SGO2: variants seen among roughly 807,000 people sequenced by gnomAD.
SGO2 encodes shugoshin 2, also known as shugoshin-like 2.
Under a neutral mutation model 99.5 loss-of-function variants are expected in SGO2, and 68 were observed. The observed-to-expected ratio is 0.68, with a 90% CI of 0.56 to 0.84. SGO2 has a LOEUF of 0.84. Ranked by LOEUF, SGO2 falls within the 40% of genes least tolerant of loss-of-function variation. The pLI is 0.00. For synonymous variants in SGO2, 457 were observed against 487.1 expected (o/e 0.94, Z 0.81); for missense variants, 1,350 against 1,436.7 (o/e 0.94, Z 0.97).
chr2:200,582,554 A>G (rs911343764), intron 8 of SGO2, among the ~76,000 whole-genome samples: 5 of 152,162 alleles, frequency 3.3e-5, no homozygotes, highest in Admixed American at 2.0e-4. Context: ...ATTGCAGATT[A>G]TAGCTGGAAT....
chr2:200,575,305 T>G lies in SGO2; in HGVS notation c.3632-6T>G. 1 of 1,526,394 alleles carries G rather than the reference T, an allele frequency of 6.6e-7. No homozygotes were observed. The highest frequency in any genetic ancestry group is 8.9e-7 in the Non-Finnish European group (1 of 1,127,862). The allele number at this position is 1,526,394 out of a possible 1,614,324, so 94.6% of individuals were successfully genotyped here. ...AATATTTGTGAAAAATAATATTCTT[T>G]TTCAGGTGATAGACCATTACAGGAC... is the stretch of plus-strand genomic sequence containing the variant. On this transcript the variant is annotated splice_region_variant and splice_polypyrimidine_tract_variant and intron_variant, in intron 7 of 8. Coordinates refer to ENST00000357799, the MANE Select transcript of SGO2 (RefSeq NM_152524.6).
intron 2 of SGO2, 197 bp downstream of exon 2, chr2:200,533,305 T>C (rs2031511707): frequency 2.2e-6 from 1 of 446,044 alleles, no homozygotes; most frequent in East Asian, 5.1e-5. Context: ...ACCCTAAGTG[T>C]GACACAGTTG....
In SGO2 at chr2:200,548,855, T is replaced by C. The variant is rs368972201; in HGVS notation, c.473+6191T>C. Reference sequence around the variant, plus strand: ...ACAAAATGTGGAAGAAATGAATACATTTTTGGACACATATAACCTACCAAG... The same window carrying C: ...ACAAAATGTGGAAGAAATGAATACACTTTTGGACACATATAACCTACCAAG... On this transcript the variant is annotated intron_variant, in intron 5 of 8. Transcript: ENST00000357799. Among the ~76,000 whole-genome samples the C allele has an allele frequency of 1.5e-3, 231 of 152,316 alleles. 1 individual carries two copies. The highest frequency in any genetic ancestry group is 5.2e-3 in the African/African-American group (217 of 41,568).
rs769202793 is a variant in SGO2 at position 200,571,082 on chromosome 2, A to G, written c.736A>G (p.Thr246Ala). Residue 246 changes from threonine (T) to alanine (A), a missense_variant, in exon 7 of 9, where the codon ACT (threonine) becomes GCT (alanine). Coordinates refer to ENST00000357799, the MANE Select transcript of SGO2 (RefSeq NM_152524.6). The stretch of plus-strand genomic sequence containing the variant: ...TTCCCACTCAGACCAAAGTTCTAAG[A>G]CTTCTCTAATGAGTGAGATGAGAAA... ...SHSHSDQSSKTSLMSEMRNAQ... is the reference protein window; with the variant it reads ...SHSHSDQSSKASLMSEMRNAQ... 14 of 1,601,698 alleles carry G rather than the reference A, an allele frequency of 8.7e-6. No individual in the cohort carries two copies. The highest frequency in any genetic ancestry group is 1.1e-5 in the Non-Finnish European group (13 of 1,175,762).
chr2:200,529,583 T>G (rs1257430935), intron 1 of SGO2, among the ~76,000 whole-genome samples: 1 of 152,168 alleles, frequency 6.6e-6, no homozygotes, highest in East Asian at 1.9e-4. Context: ...AGTGCCATGG[T>G]TTGATCTCAC....
At chr2:200,550,641 G>C (rs1192443753) in intron 5 of SGO2, among the ~76,000 whole-genome samples, 1 of 152,112 alleles carries the variant, frequency 6.6e-6, no homozygotes, top group Non-Finnish European at 1.5e-5. Context: ...ATATGCAGAA[G>C]AATGAAACTA....
chr2:200,529,065 T>C (rs2031240208), intron 1 of SGO2, among the ~76,000 whole-genome samples: 4 of 152,160 alleles, frequency 2.6e-5, no homozygotes, highest in Non-Finnish European at 1.5e-5. Context: ...AATTTCATTG[T>C]AGTGGATCAA....
chr2:200,560,757 G>A (rs1296858654), intron 5 of SGO2, among the ~76,000 whole-genome samples: 1 of 152,046 alleles, frequency 6.6e-6, no homozygotes, highest in Non-Finnish European at 1.5e-5. Flanking sequence ...TTTTGACAAG[G>A]GTTATGCTGG....
intron 5 of SGO2, among the ~76,000 whole-genome samples, chr2:200,555,574 G>A (rs2032673049): frequency 6.6e-6 from 1 of 152,110 alleles, no homozygotes; most frequent in African/African-American, 2.4e-5. Flanking sequence ...CCATCCCCCA[G>A]GGGAATCTTA....
rs1176594661 is a variant in SGO2 at position 200,558,805 on chromosome 2, C to CT, written c.474-10844dup. ...TGTGGAAAAGGTTTTGGTAACATCT[C>CT]TTTTTTTTTTTTTTGAGGTGGAGTT... On this transcript the variant is annotated intron_variant, in intron 5 of 8. Coordinates refer to ENST00000357799, the MANE Select transcript of SGO2 (RefSeq NM_152524.6). Among the ~76,000 whole-genome samples, 750 of 128,502 alleles carry CT rather than the reference C, an allele frequency of 5.8e-3. 1 individual carries two copies. The highest frequency in any genetic ancestry group is 0.014 in the African/African-American group (478 of 34,908). 84.3% of individuals were successfully genotyped at this position (128,502 alleles called of 152,430 possible).
rs774811909 is a variant in SGO2, at chr2:200,575,430, CCTTT to C, written c.3754_3757del (p.Phe1252IlefsTer11). 1 of 1,595,934 alleles carries C rather than the reference CCTTT, an allele frequency of 6.3e-7. No homozygotes were observed. The highest frequency in any genetic ancestry group is 1.1e-5 in the South Asian group (1 of 88,380). On this transcript the variant is annotated frameshift_variant, in exon 8 of 9. Transcript: ENST00000357799. LOFTEE classifies it high-confidence loss of function. Reference sequence around the variant, plus strand: ...GACAAGCAGAAGAAGAAGGTGTACTCCTTTCTATTTTAAAGAGCCAAGCCTCAGA... The same window carrying C: ...GACAAGCAGAAGAAGAAGGTGTACTCCTATTTTAAAGAGCCAAGCCTCAGA...
chr2:200,572,052 A>C lies in SGO2; in HGVS notation c.1706A>C (p.His569Pro). 1 of 1,613,506 alleles carries C rather than the reference A, an allele frequency of 6.2e-7. No homozygotes were observed. Among genetic ancestry groups the C allele is most frequent in the Non-Finnish European group, 8.5e-7 (1 of 1,179,610 alleles). ...YENLDVTNEF[H>P]TANLSTKDNG... The stretch of plus-strand genomic sequence containing the variant: ...AACCTAGACGTCACAAATGAATTTC[A>C]CACAGCCAATCTTTCCACCAAAGAT... Residue 569 changes from histidine to proline, a missense_variant, in exon 7 of 9, where the codon CAC becomes CCC. By Grantham distance (77) the His-to-Pro change is moderately conservative. Coordinates refer to ENST00000357799, the MANE Select transcript of SGO2 (RefSeq NM_152524.6).
intron 4 of SGO2, among the ~76,000 whole-genome samples, chr2:200,541,572 A>C (rs1047557427): frequency 7.9e-5 from 12 of 152,176 alleles, no homozygotes; most frequent in African/African-American, 2.9e-4. Context: ...CAAGTATAAT[A>C]AACTTTATTT....
intron 5 of SGO2, among the ~76,000 whole-genome samples, chr2:200,563,715 A>C (rs1054167559): frequency 6.6e-6 from 1 of 152,086 alleles, no homozygotes; most frequent in Admixed American, 6.5e-5. Context: ...GTAGGCTATT[A>C]ATTATTGCCT....
chr2:200,551,455 G>T (rs1212404704), intron 5 of SGO2, among the ~76,000 whole-genome samples: 1 of 152,118 alleles, frequency 6.6e-6, no homozygotes, highest in Non-Finnish European at 1.5e-5. Flanking sequence ...CCAGAGGCTG[G>T]GAAGGGGGAG....
rs373728425 is a variant in SGO2, at chr2:200,580,860, A to C, written c.3783-2589A>C. Reference sequence around the variant, plus strand: ...AAAATAAGTAAATAGAACACACACAAAAAAATTTTTTTTTAAAGTGTCTTT... The same window carrying C: ...AAAATAAGTAAATAGAACACACACACAAAAATTTTTTTTTAAAGTGTCTTT... On this transcript the variant is annotated intron_variant, in intron 8 of 8. Coordinates refer to ENST00000357799, the MANE Select transcript of SGO2 (RefSeq NM_152524.6). 3.0e-3 allele frequency among the ~76,000 whole-genome samples: 461 copies of C among 152,068 alleles called. 1 individual carries two copies. The highest frequency in any genetic ancestry group is 6.0e-3 in the African/African-American group (249 of 41,386).
chr2:200,536,692 C>T (rs1054930590), intron 4 of SGO2, among the ~76,000 whole-genome samples: 4 of 152,094 alleles, frequency 2.6e-5, no homozygotes, highest in African/African-American at 9.7e-5. Context: ...GCACAGTATA[C>T]ATTCTTGGTA....
chr2:200,579,312 G>GAGAT (rs1235089796), intron 8 of SGO2, among the ~76,000 whole-genome samples: 1 of 152,150 alleles, frequency 6.6e-6, no homozygotes, highest in Admixed American at 6.5e-5. Context: ...TCTGAAAATA[G>GAGAT]AGATAGTTTT....
intron 5 of SGO2, among the ~76,000 whole-genome samples, chr2:200,555,856 A>G (rs1383208843): frequency 2.0e-5 from 3 of 152,206 alleles, no homozygotes; most frequent in Non-Finnish European, 4.4e-5. Flanking sequence ...TCAACTTTCA[A>G]TTCCTGGGGT....
Sources: allele counts gnomAD v4.1 joint callset (sites outside exome capture counted in the v4.1 genomes callset), GRCh38; gene constraint gnomAD v4.1.1; transcripts MANE v1.5; gene names NCBI Gene and HGNC (gene_info 2026-07-23, HGNC 2026-07-21).